PECR: variants seen among roughly 807,000 people sequenced by gnomAD.
PECR encodes peroxisomal trans-2-enoyl-CoA reductase.
Under a neutral mutation model 35.3 loss-of-function variants are expected in PECR, and 30 were observed. The ratio of observed to expected loss-of-function variants is 0.85; its 90% CI spans 0.64 to 1.15. The LOEUF (loss-of-function observed/expected upper bound fraction) is 1.15. Among genes scored for constraint, PECR ranks in the 50% most tolerant of loss-of-function variants. The pLI is 0.00. For missense variants in PECR, 392 were observed against 370.8 expected, an observed-to-expected ratio of 1.06 and a Z score of -0.47; for synonymous variants, 148 against 138.9, an observed-to-expected ratio of 1.07 and a Z score of -0.46.
chr2:216,045,597 TA>T lies in PECR; in HGVS notation c.715-1583del, dbSNP rs1694974594. On this transcript the variant is annotated intron_variant, in intron 6 of 7. Transcript: ENST00000265322. ...AGTTTAAAATTACAAATGTGACTAT[TA>T]GTATATTTCTACTGGACAGGGCTGG... 2.0e-5 allele frequency among the ~76,000 whole-genome samples: 3 copies of T among 152,374 alleles called. No homozygotes were observed. The South Asian group carries it at 6.2e-4, about 32-fold the overall frequency.
chr2:216,077,335 G>A (rs1054933928), intron 1 of PECR, among the ~76,000 whole-genome samples: 27 of 144,408 alleles, frequency 1.9e-4, no homozygotes, highest in African/African-American at 6.7e-4. Flanking sequence ...TGAAACCCCC[G>A]TCTCTACTAA....
Position 216,031,520 on chromosome 2 carries a change from G to GAA in PECR, c.*440+7670_*440+7671insTT, listed in dbSNP as rs71047963. 3.6e-5 allele frequency among the ~76,000 whole-genome samples: 5 copies of GAA among 138,340 alleles called. No individual in the cohort carries two copies. The East Asian group carries it at 8.3e-4, about 23-fold the overall frequency. 90.8% of individuals were successfully genotyped at this position (138,340 alleles called of 152,430 possible). On this transcript the variant is annotated intron_variant and NMD_transcript_variant, in intron 7 of 7. Transcript: ENST00000442122. ...GAAAGAAAGAGAGAAAGGAAGGAAG[G>GAA]GAAAAGAAAAGAAAGAAGGAAGGAA...
intron 7 of PECR, among the ~76,000 whole-genome samples, chr2:216,030,725 C>T (rs1362121543): frequency 6.9e-6 from 1 of 145,078 alleles, no homozygotes; most frequent in Non-Finnish European, 1.5e-5. Context: ...GTATTTCTTT[C>T]TTTCTTTTTT....
intron 1 of PECR, among the ~76,000 whole-genome samples, chr2:216,072,818 T>C (rs975420228): frequency 6.6e-6 from 1 of 152,250 alleles, no homozygotes; most frequent in Non-Finnish European, 1.5e-5. Flanking sequence ...AATAGTGCTG[T>C]GATAAACATA....
intron 7 of PECR, among the ~76,000 whole-genome samples, chr2:216,029,454 CGA>C (rs753576885): frequency 9.4e-5 from 12 of 126,988 alleles, no homozygotes; most frequent in African/African-American, 3.5e-4. Context: ...CTCCGCCTGG[CGA>C]GAGAGTGAGA....
chr2:216,066,912 G>A (rs1357420113), intron 1 of PECR, among the ~76,000 whole-genome samples: 1 of 152,038 alleles, frequency 6.6e-6, no homozygotes, highest in Non-Finnish European at 1.5e-5. Context: ...TGGACAAGAT[G>A]GAGTAGTAGA....
rs143457974 is a variant in PECR at position 216,052,646 on chromosome 2, G to A, written c.507-1101C>T. ...TTTTAAGACTTTCTCTTTAGCACTGGTTCTCAGCAATATGATTATGATGTG... is the reference window on the plus strand; with the variant it reads ...TTTTAAGACTTTCTCTTTAGCACTGATTCTCAGCAATATGATTATGATGTG... On this transcript the variant is annotated intron_variant, in intron 4 of 7. Transcript: ENST00000265322. Among the ~76,000 whole-genome samples the A allele has an allele frequency of 4.9e-4, 74 of 152,242 alleles. 2 individuals are homozygous for A. In the East Asian group the frequency reaches 0.011, roughly 23 times the overall value.
At chr2:216,057,598 T>A (rs1328383884) in intron 4 of PECR, 8 of 152,092 alleles carry the variant, frequency 5.3e-5, no homozygotes, top group Admixed American at 4.6e-4. Context: ...GTAAATACAT[T>A]TAGTAAAGAA....
intron 4 of PECR, among the ~76,000 whole-genome samples, chr2:216,055,296 G>T (rs1695202508): frequency 6.6e-6 from 1 of 151,502 alleles, no homozygotes; most frequent in South Asian, 2.1e-4. Flanking sequence ...AATTAGCCGG[G>T]CATGGTGACG....
At chr2:216,062,097 G>T (rs1695367069) in intron 3 of PECR, among the ~76,000 whole-genome samples, 1 of 148,966 alleles carries the variant, frequency 6.7e-6, no homozygotes, top group Non-Finnish European at 1.5e-5. Flanking sequence ...CTGTCACCCA[G>T]CCTGGAGGCG....
Position 216,066,440 on chromosome 2 carries a change from G to T in PECR, c.203C>A (p.Pro68His), listed in dbSNP as rs374570784. ...AADELQANLP[P>H]TKQARVIPIQ... ...GGGAATGACTCGTGCCTGCTTTGTGGGAGGTAGGTTGGCCTGCAGTTCATC... is the reference window on the plus strand; with the variant it reads ...GGGAATGACTCGTGCCTGCTTTGTGTGAGGTAGGTTGGCCTGCAGTTCATC... The change falls in exon 2 of 8, where the codon CCC becomes CAC. Residue 68 changes from proline to histidine, a missense_variant. Coordinates refer to ENST00000265322, the MANE Select transcript of PECR (RefSeq NM_018441.6). The T allele has an allele frequency of 3.7e-6, 6 of 1,613,550 alleles. No individual in the cohort carries two copies. Among genetic ancestry groups the T allele is most frequent in the Non-Finnish European group, 5.1e-6 (6 of 1,179,574 alleles).
intron 5 of PECR, among the ~76,000 whole-genome samples, chr2:216,050,611 T>C (rs1255566994): frequency 6.6e-6 from 1 of 152,002 alleles, no homozygotes; most frequent in Admixed American, 6.6e-5. Flanking sequence ...AGAGATAAGA[T>C]CTATAGATAG....
chr2:216,060,319 G>T (rs901179092), intron 3 of PECR, among the ~76,000 whole-genome samples: 19 of 152,010 alleles, frequency 1.2e-4, no homozygotes, highest in African/African-American at 4.6e-4. Flanking sequence ...TACAAGTAAT[G>T]ATAACCCAGT....
In PECR at chr2:216,058,929, T is replaced by C; in HGVS notation, c.472A>G (p.Ile158Val). Residue 158 changes from isoleucine to valine, a missense_variant, in exon 4 of 8, where the codon ATT becomes GTT. By Grantham distance (29) the Ile-to-Val change is conservative. Transcript: ENST00000265322. ...KEHGGSIVNI[I>V]VPTKAGFPLA... ...GGAAATCCAGCTTTAGTAGGGACAA[T>C]GATATTGACGATAGATCCTCCATGC... is the stretch of plus-strand genomic sequence containing the variant. 3 of 1,608,812 alleles carry C rather than the reference T, an allele frequency of 1.9e-6. No homozygotes were observed. Among genetic ancestry groups the C allele is most frequent in the Non-Finnish European group, 1.7e-6 (2 of 1,175,254 alleles).
intron 1 of PECR, among the ~76,000 whole-genome samples, chr2:216,069,765 T>A (rs12471058): frequency 6.6e-6 from 1 of 151,744 alleles, no homozygotes; most frequent in African/African-American, 2.4e-5. Context: ...GCAAAACCCC[T>A]TTTCTACTAA....
At chr2:216,035,308 A>T (rs1047084479), downstream of PECR, among the ~76,000 whole-genome samples, 2 of 152,100 alleles carry the variant, frequency 1.3e-5, no homozygotes, top group African/African-American at 4.8e-5. Flanking sequence ...GGGGTTTTGC[A>T]TCAGAGGCCT....
chr2:216,047,641 A>T (rs1695021324), intron 6 of PECR, among the ~76,000 whole-genome samples: 1 of 152,254 alleles, frequency 6.6e-6, no homozygotes, highest in South Asian at 2.1e-4. Flanking sequence ...AAATAAATAC[A>T]GCTTCATAGT....
downstream of PECR, among the ~76,000 whole-genome samples, chr2:216,035,485 C>CTTTT (rs1694778722): frequency 7.8e-6 from 1 of 127,808 alleles, no homozygotes. Flanking sequence ...ATGGAGGGCT[C>CTTTT]TTCTTTTTTT....
intron 7 of PECR, among the ~76,000 whole-genome samples, chr2:216,031,439 A>AAGAAAGAAAAAGAAAGAAAGAG: frequency 7.0e-6 from 1 of 142,602 alleles, no homozygotes; most frequent in East Asian, 2.0e-4. Context: ...AAAAGAAAGA[A>AAGAAAGAAAAAGAAAGAAAGAG]AGAAAAAGAA....
Sources: gnomAD v4.1 joint callset for allele counts (sites outside exome capture counted in the v4.1 genomes callset) on GRCh38, gnomAD v4.1.1 for gene constraint, MANE v1.5 for transcripts, NCBI Gene and HGNC (gene_info 2026-07-23, HGNC 2026-07-21) for gene names.